Variants in HSD11B2 observed in about 807,000 individuals in gnomAD.
HSD11B2 encodes the protein hydroxysteroid 11-beta dehydrogenase 2.
In HSD11B2, 17 loss-of-function variants were observed where a neutral mutation model predicts 20.9. The observed-to-expected ratio is 0.81, with a 90% CI of 0.56 to 1.22. HSD11B2 has a LOEUF of 1.22. Ranked by LOEUF, HSD11B2 falls within the 50% of genes most tolerant of loss-of-function variation. The pLI, the probability that HSD11B2 is intolerant of heterozygous loss-of-function variation, is 0.00. For synonymous variants in HSD11B2, 253 were observed against 255.4 expected, an observed-to-expected ratio of 0.99 and a Z score of 0.09; for missense variants, 480 against 563.6, an observed-to-expected ratio of 0.85 and a Z score of 1.50.
chr16:67,432,271 G>C (rs558768211), intron 1 of HSD11B2, among the ~76,000 whole-genome samples: 1 of 151,496 alleles, frequency 6.6e-6, no homozygotes, highest in Non-Finnish European at 1.5e-5. Flanking sequence ...GGGGGGGGGG[G>C]CTGGAGGCCC....
Position 67,431,478 on chromosome 16 carries a change from G to A in HSD11B2, c.230G>A (p.Arg77His), listed in dbSNP as rs2040933167. 2.1e-6 allele frequency: 3 copies of A among 1,395,400 alleles called. No individual in the cohort carries two copies. Among genetic ancestry groups the A allele is most frequent in the Non-Finnish European group, 2.8e-6 (3 of 1,072,476 alleles). 86.4% of individuals were successfully genotyped at this position (1,395,400 alleles called of 1,614,324 possible). A position where few individuals can be genotyped will look rare whatever the true frequency, so the allele number is the denominator to read the frequency against. Residue 77 changes from arginine to histidine, a missense_variant, in exon 1 of 5, where the codon CGC (arginine) becomes CAC (histidine). Physicochemically the swap from Arg to His is conservative, Grantham distance 29 (BLOSUM62 0). Around this residue, in one of 2 missense-constraint regions of HSD11B2, gnomAD observed 374 missense variants for 480.9 expected, o/e 0.78. Transcript: ENST00000326152. ...IALSRLARPQRLPVATRAVLI... is the reference protein window; with the variant it reads ...IALSRLARPQHLPVATRAVLI... The stretch of plus-strand genomic sequence containing the variant: ...TTGTCCCGCCTGGCGCGCCCGCAGC[G>A]CCTGCCGGTGGCCACTCGCGCGGTG...
intron 1 of HSD11B2, 29 bp downstream of exon 1, chr16:67,431,542 AC>A (rs1206329913): frequency 7.5e-7 from 1 of 1,336,476 alleles, no homozygotes; most frequent in Admixed American, 3.4e-5. Flanking sequence ...GAGCGCGGGG[AC>A]TCCAGGCTCG....
chr16:67,435,456 C>G lies in HSD11B2; in HGVS notation c.266-172C>G, dbSNP rs2040962577. On this transcript the variant is annotated intron_variant, in intron 1 of 4. Transcript: ENST00000326152. ...CACAGAGTTACTGCCCAGGGCTCAG[C>G]TAGAGGGACACAGCCTGCCAGGGAT... The G allele has an allele frequency of 1.3e-5, 9 of 698,574 alleles. No homozygotes were observed. The South Asian group carries it at 1.4e-4, about 11-fold the overall frequency. 43.3% of individuals were successfully genotyped at this position (698,574 alleles called of 1,614,324 possible).
Position 67,437,065 on chromosome 16 carries a change from C to A in HSD11B2, c.*62C>A. ...GAGGCTCCGTGAGCCCTTGGTTCCT[C>A]CCCGAAAACCCCCAGCATTACGATC... On this transcript the variant is annotated 3_prime_UTR_variant, in exon 5 of 5. Coordinates refer to ENST00000326152, the MANE Select transcript of HSD11B2 (RefSeq NM_000196.4). The A allele has an allele frequency of 1.3e-6, 2 of 1,505,752 alleles. No individual in the cohort carries two copies. Among genetic ancestry groups the A allele is most frequent in the Non-Finnish European group, 1.8e-6 (2 of 1,106,550 alleles). 93.3% of individuals were successfully genotyped at this position (1,505,752 alleles called of 1,614,324 possible). A position where few individuals can be genotyped will look rare whatever the true frequency, so the allele number is the denominator to read the frequency against.
chr16:67,434,632 C>G (rs1183783334), intron 1 of HSD11B2, among the ~76,000 whole-genome samples: 3 of 152,124 alleles, frequency 2.0e-5, no homozygotes, highest in Admixed American at 2.0e-4. Flanking sequence ...TCTTCAATCC[C>G]AGCACTTTGA....
At position 67,433,715 on chromosome 16, in the gene HSD11B2, CACACACACACACAT is replaced by C. The variant is rs1439560447; in HGVS notation, c.266-1911_266-1898del. The stretch of plus-strand genomic sequence containing the variant: ...ACACACACACACACACACACACACA[CACACACACACACAT>C]ATGCTTGCCTCCCTCTCCAAGGCAG... On this transcript the variant is annotated intron_variant, in intron 1 of 4. Transcript: ENST00000326152. Among the ~76,000 whole-genome samples, 1,243 of 145,100 alleles carry C rather than the reference CACACACACACACAT, an allele frequency of 8.6e-3. 22 individuals carry two copies. The highest frequency in any genetic ancestry group is 0.034 in the African/African-American group (1,201 of 34,940).
chr16:67,436,303 C>G lies in HSD11B2; in HGVS notation c.719C>G (p.Ala240Gly). Residue 240 changes from alanine (A) to glycine (G), a missense_variant, in exon 4 of 5, where the codon GCG becomes GGG. Physicochemically the swap from Ala to Gly is moderately conservative, Grantham distance 60. Transcript: ENST00000326152. This position sits in a 1 kb window ranked among gnomAD's most constrained non-coding sequence, Gnocchi z 5.7. ...GAYGTSKAAV[A>G]LLMDTFSCEL... The stretch of plus-strand genomic sequence containing the variant: ...TATGGAACCTCCAAAGCGGCCGTGG[C>G]GCTACTCATGGACACATTCAGCTGT... The G allele has an allele frequency of 6.2e-7, 1 of 1,613,618 alleles. No homozygotes were observed. The highest frequency in any genetic ancestry group is 8.5e-7 in the Non-Finnish European group (1 of 1,179,958).
chr16:67,430,053 C>A (rs2040918581), upstream of HSD11B2, among the ~76,000 whole-genome samples: 1 of 151,926 alleles, frequency 6.6e-6, no homozygotes, highest in Non-Finnish European at 1.5e-5. The surrounding 1 kb of genome is among the most constrained non-coding windows in gnomAD (Gnocchi z 5.4). Context: ...CAGCATCAAG[C>A]CTGCAGCCAG....
chr16:67,437,350 T>A lies in HSD11B2; in HGVS notation c.*347T>A. On this transcript the variant is annotated 3_prime_UTR_variant, in exon 5 of 5. Transcript: ENST00000326152. ...GATAGTGCCTCTGCAAACTAAGGAG[T>A]GACTAGGTGGGTTGGGGACCCCCTC... The A allele has an allele frequency of 2.6e-6, 1 of 387,588 alleles. No individual in the cohort carries two copies. The highest frequency in any genetic ancestry group is 4.7e-6 in the Non-Finnish European group (1 of 211,666). 24.0% of individuals were successfully genotyped at this position (387,588 alleles called of 1,614,324 possible). A position where few individuals can be genotyped will look rare whatever the true frequency, so the allele number is the denominator to read the frequency against.
Position 67,436,685 on chromosome 16 carries a change from C to A in HSD11B2, c.900C>A (p.Ile300=), listed in dbSNP as rs753129876. 1.2e-6 allele frequency: 2 copies of A among 1,614,052 alleles called. No homozygotes were observed. The highest frequency in any genetic ancestry group is 2.7e-5 in the African/African-American group (2 of 74,930). The change falls in exon 5 of 5, where the codon ATC becomes ATA. Residue 300 remains isoleucine, a synonymous_variant. Coordinates refer to ENST00000326152, the MANE Select transcript of HSD11B2 (RefSeq NM_000196.4). The surrounding 1 kb of genome is among the most constrained non-coding windows in gnomAD (Gnocchi z 5.7). Reference sequence around the variant, plus strand: ...TGCAGGCCTACGGCAAGGACTACATCGAGCACTTGCATGGGCAGTTCCTGC... The same window carrying A: ...TGCAGGCCTACGGCAAGGACTACATAGAGCACTTGCATGGGCAGTTCCTGC... ...ELLQAYGKDY[I]EHLHGQFLHS...
chr16:67,436,555 G>C lies in HSD11B2; in HGVS notation c.803-33G>C. On this transcript the variant is annotated intron_variant, in intron 4 of 4. Transcript: ENST00000326152. This position sits in a 1 kb window ranked among gnomAD's most constrained non-coding sequence, Gnocchi z 5.7. The stretch of plus-strand genomic sequence containing the variant: ...CTAATTGGCTTTGGCTCCCCTAGCT[G>C]ATCCCACTCTGACCTTGCCACTCCT... 6.2e-7 allele frequency: 1 copy of C among 1,613,282 alleles called. No homozygotes were observed. Among genetic ancestry groups the C allele is most frequent in the Non-Finnish European group, 8.5e-7 (1 of 1,179,650 alleles).
rs72650118 is a variant in HSD11B2, at chr16:67,435,801, C to A, written c.439C>A (p.Arg147Ser). ...CCTGACCAAACCAGGAGACATTAGC[C>A]GCGTGCTAGAGTTCACCAAGGCCCA... is the stretch of plus-strand genomic sequence containing the variant. Reference protein sequence around the residue: ...MDLTKPGDISRVLEFTKAHTT... With the variant: ...MDLTKPGDISSVLEFTKAHTT... The change falls in exon 2 of 5, where the codon CGC becomes AGC. Residue 147 changes from arginine (R) to serine (S), a missense_variant. Transcript: ENST00000326152. The A allele has an allele frequency of 6.2e-7, 1 of 1,614,008 alleles. No individual in the cohort carries two copies. The highest frequency in any genetic ancestry group is 8.5e-7 in the Non-Finnish European group (1 of 1,180,020).
chr16:67,434,455 G>A (rs1003049396), intron 1 of HSD11B2, among the ~76,000 whole-genome samples: 2 of 152,202 alleles, frequency 1.3e-5, no homozygotes, highest in African/African-American at 2.4e-5. Flanking sequence ...GTAGCACAGA[G>A]GGATATTGTC....
At chr16:67,433,829 G>A (rs1395729963) in intron 1 of HSD11B2, among the ~76,000 whole-genome samples, 1 of 151,994 alleles carries the variant, frequency 6.6e-6, no homozygotes, top group Non-Finnish European at 1.5e-5. Context: ...TAGAGGGAGT[G>A]GAGCTGAGAT....
At position 67,436,444 on chromosome 16, in the gene HSD11B2, A is replaced by G; in HGVS notation, c.802+58A>G. On this transcript the variant is annotated intron_variant, in intron 4 of 4. Coordinates refer to ENST00000326152, the MANE Select transcript of HSD11B2 (RefSeq NM_000196.4). This position sits in a 1 kb window ranked among gnomAD's most constrained non-coding sequence, Gnocchi z 5.7. The stretch of plus-strand genomic sequence containing the variant: ...GGGGAATGGGGCTGGGAATGGTCTT[A>G]TGGGGGCAGGTCAGGTTTGATGAAT... The G allele has an allele frequency of 6.6e-7, 1 of 1,512,842 alleles. No homozygotes were observed. Among genetic ancestry groups the G allele is most frequent in the Non-Finnish European group, 9.0e-7 (1 of 1,113,342 alleles). 93.7% of individuals were successfully genotyped at this position (1,512,842 alleles called of 1,614,324 possible).
Position 67,431,261 on chromosome 16 carries a change from C to A in HSD11B2, c.13C>A (p.Pro5Thr), listed in dbSNP as rs1302194388. Reference protein sequence around the residue: MERWPWPSGGAWLLV... With the variant: MERWTWPSGGAWLLV... ...CCGCTGGGCCGCCATGGAGCGCTGG[C>A]CTTGGCCGTCGGGCGGCGCCTGGCT... is the stretch of plus-strand genomic sequence containing the variant. The change falls in exon 1 of 5, where the codon CCT becomes ACT. Residue 5 changes from proline (P) to threonine (T), a missense_variant. Around this residue, in one of 2 missense-constraint regions of HSD11B2, gnomAD observed 106 missense variants for 82.8 expected, o/e 1.28. Coordinates refer to ENST00000326152, the MANE Select transcript of HSD11B2 (RefSeq NM_000196.4). 1.6e-6 allele frequency: 2 copies of A among 1,258,602 alleles called. No individual in the cohort carries two copies. Among genetic ancestry groups the A allele is most frequent in the Non-Finnish European group, 2.0e-6 (2 of 992,048 alleles). 78.0% of individuals were successfully genotyped at this position (1,258,602 alleles called of 1,614,324 possible).
In HSD11B2 at chr16:67,437,042, G is replaced by C. The variant is rs574787024; in HGVS notation, c.*39G>C. The C allele has an allele frequency of 6.3e-7, 1 of 1,593,404 alleles. No homozygotes were observed. Among genetic ancestry groups the C allele is most frequent in the Non-Finnish European group, 8.5e-7 (1 of 1,172,994 alleles). On this transcript the variant is annotated 3_prime_UTR_variant, in exon 5 of 5. Coordinates refer to ENST00000326152, the MANE Select transcript of HSD11B2 (RefSeq NM_000196.4). ...ATGGCCCAGCCACTGCAGCACAGGA[G>C]GCTCCGTGAGCCCTTGGTTCCTCCC...
chr16:67,436,575 A>C lies in HSD11B2; in HGVS notation c.803-13A>C. The stretch of plus-strand genomic sequence containing the variant: ...TAGCTGATCCCACTCTGACCTTGCC[A>C]CTCCTTCCCCAGAGTCAGTGAGAAA... On this transcript the variant is annotated splice_polypyrimidine_tract_variant and intron_variant, in intron 4 of 4. Coordinates refer to ENST00000326152, the MANE Select transcript of HSD11B2 (RefSeq NM_000196.4). The surrounding 1 kb of genome is among the most constrained non-coding windows in gnomAD (Gnocchi z 5.7). 1 of 1,613,752 alleles carries C rather than the reference A, an allele frequency of 6.2e-7. No individual in the cohort carries two copies. The highest frequency in any genetic ancestry group is 1.1e-5 in the South Asian group (1 of 91,062).
At chr16:67,433,579 C>T (rs72649102) in intron 1 of HSD11B2, among the ~76,000 whole-genome samples, 110 of 152,148 alleles carry the variant, frequency 7.2e-4, no homozygotes, top group Admixed American at 2.2e-3. Context: ...GACCACAGAG[C>T]TGAGGCCTGT....
Sources: gnomAD v4.1 joint callset for allele counts (sites outside exome capture counted in the v4.1 genomes callset) on GRCh38, gnomAD v4.1.1 for gene constraint, gnomAD v4.1.1 regional missense constraint, Gnocchi (gnomAD v3.1) non-coding constraint, MANE v1.5 for transcripts, NCBI Gene and HGNC (gene_info 2026-07-23, HGNC 2026-07-21) for gene names.